The following PXK variants were observed in gnomAD, a reference collection of about 807,000 sequenced individuals.
The protein encoded by PXK is PX domain containing serine/threonine kinase like, also known as PX domain-containing protein kinase-like protein.
PXK carries 35 observed loss-of-function variants against 84.7 expected under a neutral mutation model. The ratio of observed to expected loss-of-function variants is 0.41; its 90% CI spans 0.32 to 0.55. The LOEUF (loss-of-function observed/expected upper bound fraction) is 0.55. Ranked by LOEUF, PXK falls within the 20% of genes least tolerant of loss-of-function variation. PXK has a pLI of 0.21. For synonymous variants in PXK, 253 were observed against 260.8 expected, an observed-to-expected ratio of 0.97 and a Z score of 0.29; for missense variants, 634 against 699.7, an observed-to-expected ratio of 0.91 and a Z score of 1.06.
At chr3:58,360,698 G>T (rs2098168768) in intron 1 of PXK, among the ~76,000 whole-genome samples, 1 of 151,976 alleles carries the variant, frequency 6.6e-6, no homozygotes, top group African/African-American at 2.4e-5. Flanking sequence ...CGAGGGTGGT[G>T]GTGCATGCCT....
Position 58,342,647 on chromosome 3 carries a change from A to AAAAAAG in PXK, c.102+9561_102+9562insAGAAAA, listed in dbSNP as rs1553743386. ...GAGACTCTGTCTCAAAAAAAAAAAA[A>AAAAAAG]AAAAGAAAAGAAAAAAAGAAAGAAA... On this transcript the variant is annotated intron_variant, in intron 1 of 17. Coordinates refer to ENST00000356151, the MANE Select transcript of PXK (RefSeq NM_017771.5). Among the ~76,000 whole-genome samples the AAAAAAG allele has an allele frequency of 2.0e-3, 272 of 138,792 alleles. 2 individuals carry two copies. Among genetic ancestry groups the AAAAAAG allele is most frequent in the African/African-American group, 7.5e-3 (261 of 34,966 alleles). 91.1% of individuals were successfully genotyped at this position (138,792 alleles called of 152,430 possible).
chr3:58,415,907 T>A (rs2107681244), intron 17 of PXK, among the ~76,000 whole-genome samples: 1 of 152,276 alleles, frequency 6.6e-6, no homozygotes, highest in African/African-American at 2.4e-5. Context: ...GGGCGGGACA[T>A]CTTGGGGGTA....
intron 8 of PXK, 26 bp from the exon 9 acceptor site, chr3:58,395,632 T>A: frequency 6.4e-7 from 1 of 1,555,096 alleles, no homozygotes; most frequent in African/African-American, 1.4e-5. Context: ...GCTGCTTTCT[T>A]ACGTGTTCTT....
intron 13 of PXK, among the ~76,000 whole-genome samples, chr3:58,405,038 A>T (rs2059180786): frequency 6.6e-6 from 1 of 152,228 alleles, no homozygotes; most frequent in Admixed American, 6.5e-5. Context: ...GGCCTTTAGG[A>T]TTCAGGAGTT....
At chr3:58,339,216 GGGTTTT>G (rs1485191427) in intron 1 of PXK, among the ~76,000 whole-genome samples, 1 of 137,474 alleles carries the variant, frequency 7.3e-6, no homozygotes, top group African/African-American at 3.5e-5. Context: ...GTTTTGTGGG[GGGTTTT>G]TTTTTGTTTT....
chr3:58,341,301 C>A (rs2097726011), intron 1 of PXK, among the ~76,000 whole-genome samples: 1 of 152,124 alleles, frequency 6.6e-6, no homozygotes, highest in Non-Finnish European at 1.5e-5. Flanking sequence ...GTGGCTCATG[C>A]CTGAAATGCC....
chr3:58,342,657 G>GAA (rs2097758898), intron 1 of PXK, among the ~76,000 whole-genome samples: 1 of 142,000 alleles, frequency 7.0e-6, no homozygotes, highest in East Asian at 2.1e-4. Flanking sequence ...AAAAAGAAAA[G>GAA]AAAAAAAGAA....
rs911534407 is a variant in PXK at position 58,425,204 on chromosome 3, T to A, written c.*244T>A. On this transcript the variant is annotated 3_prime_UTR_variant, in exon 18 of 18. Transcript: ENST00000356151. Reference sequence around the variant, plus strand: ...TAACCCTGTAAAGGAGTCTTGTTTATCCTCTAATGGCCAGGCTTTTGGGAC... The same window carrying A: ...TAACCCTGTAAAGGAGTCTTGTTTAACCTCTAATGGCCAGGCTTTTGGGAC... The A allele has an allele frequency of 2.4e-5, 12 of 498,022 alleles. No individual in the cohort carries two copies. The highest frequency in any genetic ancestry group is 2.1e-4 in the African/African-American group (11 of 51,540). 30.9% of individuals were successfully genotyped at this position (498,022 alleles called of 1,614,324 possible). A position where few individuals can be genotyped will look rare whatever the true frequency, so the allele number is the denominator to read the frequency against.
intron 7 of PXK, among the ~76,000 whole-genome samples, chr3:58,393,321 C>T (rs1259598585): frequency 6.6e-6 from 1 of 151,970 alleles, no homozygotes; most frequent in Non-Finnish European, 1.5e-5. Context: ...GCACTCCAGC[C>T]TGGGCAACAG....
chr3:58,368,944 G>A (rs994496016), intron 2 of PXK, among the ~76,000 whole-genome samples: 6 of 152,236 alleles, frequency 3.9e-5, no homozygotes, highest in Admixed American at 2.0e-4. Context: ...TCAGGGCGAT[G>A]TATGTGTGGC....
rs1472139797 is a variant in PXK, at chr3:58,357,508, A to C, written c.103-8366A>C. Among the ~76,000 whole-genome samples, 6 of 152,198 alleles carry C rather than the reference A, an allele frequency of 3.9e-5. No individual in the cohort carries two copies. In the South Asian group the frequency reaches 1.2e-3, roughly 31 times the overall value. ...TTACCTTTCATTTCTAAGTAGAAGG[A>C]GTATACTCTGAAATAACTATAAAAA... On this transcript the variant is annotated intron_variant, in intron 1 of 17. Coordinates refer to ENST00000356151, the MANE Select transcript of PXK (RefSeq NM_017771.5).
At chr3:58,391,002 C>T (rs1419751568) in intron 5 of PXK, 145 bp from the exon 6 acceptor site, 26 of 617,724 alleles carry the variant, frequency 4.2e-5, no homozygotes, top group Admixed American at 8.7e-5. Context: ...ACTATGCCAA[C>T]GTTATCAAAT....
At chr3:58,389,742 G>A (rs1244754415) in intron 4 of PXK, among the ~76,000 whole-genome samples, 21 of 151,858 alleles carry the variant, frequency 1.4e-4, no homozygotes, top group African/African-American at 5.1e-4. Context: ...GCTCATGCCT[G>A]TAGTCTCAGC....
intron 2 of PXK, among the ~76,000 whole-genome samples, chr3:58,368,386 G>T (rs954532516): frequency 1.3e-5 from 2 of 152,054 alleles, no homozygotes; most frequent in Non-Finnish European, 2.9e-5. Flanking sequence ...GCAGTGGAGC[G>T]ATCTCTGCTC....
chr3:58,334,769 A>G (rs1428612664), intron 1 of PXK, among the ~76,000 whole-genome samples: 1 of 152,210 alleles, frequency 6.6e-6, no homozygotes, highest in Non-Finnish European at 1.5e-5. Context: ...AGGATTTCAA[A>G]TGTGTTTATC....
At chr3:58,394,884 T>C in intron 7 of PXK, 114 bp from the exon 8 acceptor site, 5 of 703,150 alleles carry the variant, frequency 7.1e-6, no homozygotes, top group Non-Finnish European at 9.9e-6. Context: ...ATCACTACAT[T>C]CGTATGCAAT....
intron 3 of PXK, among the ~76,000 whole-genome samples, chr3:58,377,440 C>T (rs2098452689): frequency 6.6e-6 from 1 of 152,078 alleles, no homozygotes; most frequent in Admixed American, 6.6e-5. Context: ...AATAGTACTA[C>T]TCTTTGAAAG....
intron 3 of PXK, among the ~76,000 whole-genome samples, chr3:58,376,525 ATAACT>A (rs1303077883): frequency 2.0e-5 from 3 of 152,226 alleles, no homozygotes; most frequent in Non-Finnish European, 2.9e-5. Context: ...ACATTAAGTG[ATAACT>A]TAGCATACAC....
At chr3:58,422,109 G>T in intron 17 of PXK, 1 of 985,326 alleles carries the variant, frequency 1.0e-6, no homozygotes. Flanking sequence ...TTAGCCATGT[G>T]TTGTAGCTGA....
Sources: gnomAD v4.1 joint callset for allele counts (sites outside exome capture counted in the v4.1 genomes callset) on GRCh38, gnomAD v4.1.1 for gene constraint, MANE v1.5 for transcripts, NCBI Gene and HGNC (gene_info 2026-07-23, HGNC 2026-07-21) for gene names.